SGIP1: variants seen among roughly 807,000 people sequenced by gnomAD.
The protein encoded by SGIP1 is SH3GL interacting endocytic adaptor 1, also known as SH3-containing GRB2-like protein 3-interacting protein 1.
SGIP1 carries 38 observed loss-of-function variants against 107.5 expected under a neutral mutation model. That is an observed-to-expected ratio of 0.35 (90% confidence interval 0.27 to 0.46). SGIP1 has a LOEUF of 0.46. Among genes scored for constraint, SGIP1 ranks in the 20% least tolerant of loss-of-function variants. The pLI is 1.00. For missense variants in SGIP1, 929 were observed against 1,019.5 expected (o/e 0.91, Z 1.21); for synonymous variants, 365 against 366.1 (o/e 1.00, Z 0.03).
intron 18 of SGIP1, among the ~76,000 whole-genome samples, chr1:66,701,786 A>G (rs945594240): frequency 2.0e-5 from 3 of 152,214 alleles, no homozygotes; most frequent in Non-Finnish European, 4.4e-5. Flanking sequence ...TACAACTGTC[A>G]TGCTGATGTT....
chr1:66,675,537 C>CTT (rs141370211), intron 12 of SGIP1, among the ~76,000 whole-genome samples: 1,662 of 108,998 alleles, frequency 0.015, 295 homozygotes, highest in African/African-American at 0.05. Context: ...TTTTCTTTTT[C>CTT]TTTCTTTTTT....
intron 17 of SGIP1, among the ~76,000 whole-genome samples, chr1:66,693,231 A>G (rs1482888620): frequency 7.1e-6 from 1 of 140,926 alleles, no homozygotes; most frequent in Non-Finnish European, 1.6e-5. Flanking sequence ...CAACATAGCA[A>G]GATTCTCATC....
chr1:66,665,221 T>C (rs546324740), intron 8 of SGIP1, among the ~76,000 whole-genome samples: 1 of 152,326 alleles, frequency 6.6e-6, no homozygotes, highest in South Asian at 2.1e-4. Context: ...GAACATCTGG[T>C]GTTTGGTTTT....
intron 4 of SGIP1, among the ~76,000 whole-genome samples, chr1:66,639,380 A>G (rs991113430): frequency 6.6e-6 from 1 of 152,230 alleles, no homozygotes; most frequent in Non-Finnish European, 1.5e-5. Context: ...AACTAATTGT[A>G]TATAATAGCA....
intron 1 of SGIP1, among the ~76,000 whole-genome samples, chr1:66,565,056 G>A (rs2059458031): frequency 6.6e-6 from 1 of 151,994 alleles, no homozygotes; most frequent in South Asian, 2.1e-4. Flanking sequence ...GGGGCAGACA[G>A]TAGATGTAAA....
intron 4 of SGIP1, among the ~76,000 whole-genome samples, chr1:66,639,187 T>G (rs961008385): frequency 2.0e-5 from 3 of 152,202 alleles, no homozygotes; most frequent in Non-Finnish European, 4.4e-5. Flanking sequence ...AAATTCTATT[T>G]TTAAAATTTG....
intron 1 of SGIP1, among the ~76,000 whole-genome samples, chr1:66,623,536 C>T (rs1445528119): frequency 6.6e-6 from 1 of 152,198 alleles, no homozygotes; most frequent in Non-Finnish European, 1.5e-5. Flanking sequence ...CAGGCATAGG[C>T]TACTGCACCT....
At chr1:66,632,819 G>T (rs1199251034) in intron 2 of SGIP1, among the ~76,000 whole-genome samples, 2 of 152,118 alleles carry the variant, frequency 1.3e-5, no homozygotes, top group Non-Finnish European at 2.9e-5. Flanking sequence ...ATGAACCAAG[G>T]CACTACCCTT....
At position 66,536,390 on chromosome 1, in the gene SGIP1, T is replaced by A. The variant is rs1557806810; in HGVS notation, c.10+2022T>A. ...GCTCCTACTTAAATGTTTTTAAGCCTTATTATCTTAATAGTTCGGTGACCT... is the reference window on the plus strand; with the variant it reads ...GCTCCTACTTAAATGTTTTTAAGCCATATTATCTTAATAGTTCGGTGACCT... On this transcript the variant is annotated intron_variant, in intron 1 of 24. Transcript: ENST00000371037. 2.0e-5 allele frequency among the ~76,000 whole-genome samples: 3 copies of A among 152,228 alleles called. No individual in the cohort carries two copies. The South Asian group carries it at 6.2e-4, about 31-fold the overall frequency.
At chr1:66,668,193 T>A (rs182541209) in intron 9 of SGIP1, among the ~76,000 whole-genome samples, 216 of 152,188 alleles carry the variant, frequency 1.4e-3, no homozygotes, top group African/African-American at 5.0e-3. Flanking sequence ...AAAAGTATCA[T>A]AAATTTTTTT....
chr1:66,540,287 G>A (rs926958195), intron 1 of SGIP1, among the ~76,000 whole-genome samples: 4 of 152,170 alleles, frequency 2.6e-5, no homozygotes, highest in Non-Finnish European at 4.4e-5. Flanking sequence ...AATTGTTTTG[G>A]TGATGAGCTC....
At chr1:66,670,145 C>T (rs2083443337) in intron 9 of SGIP1, among the ~76,000 whole-genome samples, 2 of 152,192 alleles carry the variant, frequency 1.3e-5, no homozygotes, top group Admixed American at 1.3e-4. Context: ...CCATGCTGTA[C>T]CCCACGATGC....
chr1:66,598,106 T>C (rs771803843), intron 1 of SGIP1, among the ~76,000 whole-genome samples: 3 of 152,144 alleles, frequency 2.0e-5, no homozygotes, highest in Non-Finnish European at 4.4e-5. Context: ...CAACCTTAAG[T>C]GTTAAAGATT....
chr1:66,583,711 C>G (rs771556604), intron 1 of SGIP1, among the ~76,000 whole-genome samples: 7 of 152,132 alleles, frequency 4.6e-5, no homozygotes, highest in Non-Finnish European at 7.4e-5. Flanking sequence ...TGTCCTTCTT[C>G]TGCATACTCC....
At chr1:66,672,903 A>G (rs2084181230) in intron 11 of SGIP1, among the ~76,000 whole-genome samples, 1 of 152,230 alleles carries the variant, frequency 6.6e-6, no homozygotes, top group Non-Finnish European at 1.5e-5. Context: ...GAAATCAAAT[A>G]TAAATTTTAC....
At position 66,682,263 on chromosome 1, in the gene SGIP1, T is replaced by C; in HGVS notation, c.1209T>C (p.Phe403=). The change falls in exon 15 of 25, where the codon TTT becomes TTC. Residue 403 remains phenylalanine, a synonymous_variant. Coordinates refer to ENST00000371037, the MANE Select transcript of SGIP1 (RefSeq NM_032291.4). Reference sequence around the variant, plus strand: ...AAACAATCTCATCTCCTAAAGATTTTGGGTTGGGACAAAGAGCAACTCCAC... The same window carrying C: ...AAACAATCTCATCTCCTAAAGATTTCGGGTTGGGACAAAGAGCAACTCCAC... ...YLETISSPKD[F]GLGQRATPPP... is the part of the protein sequence containing the mutation. The C allele has an allele frequency of 6.2e-7, 1 of 1,614,218 alleles. No homozygotes were observed. Among genetic ancestry groups the C allele is most frequent in the Non-Finnish European group, 8.5e-7 (1 of 1,180,030 alleles).
intron 18 of SGIP1, among the ~76,000 whole-genome samples, chr1:66,718,077 C>G (rs2093344869): frequency 6.6e-6 from 1 of 152,096 alleles, no homozygotes; most frequent in South Asian, 2.1e-4. Flanking sequence ...AAAAAAGAGA[C>G]TAGCATGAAC....
At chr1:66,613,550 C>T (rs1269133526) in intron 1 of SGIP1, among the ~76,000 whole-genome samples, 1 of 151,980 alleles carries the variant, frequency 6.6e-6, no homozygotes, top group African/African-American at 2.4e-5. Context: ...GGCTGGTCTC[C>T]AACTCATGAG....
At chr1:66,618,143 T>A (rs1313429905) in intron 1 of SGIP1, among the ~76,000 whole-genome samples, 3 of 152,238 alleles carry the variant, frequency 2.0e-5, no homozygotes, top group African/African-American at 7.2e-5. Context: ...AATTTTTTTA[T>A]GATACATGTT....
Sources: gnomAD v4.1 joint callset for allele counts (sites outside exome capture counted in the v4.1 genomes callset) on GRCh38, gnomAD v4.1.1 for gene constraint, MANE v1.5 for transcripts, NCBI Gene and HGNC (gene_info 2026-07-23, HGNC 2026-07-21) for gene names.